The following SHC4 variants were observed in gnomAD, a reference collection of about 807,000 sequenced individuals.
SHC4 encodes SHC-transforming protein 4.
SHC4 carries 41 observed loss-of-function variants against 69.4 expected under a neutral mutation model. The ratio of observed to expected loss-of-function variants is 0.59; its 90% CI spans 0.46 to 0.77. The LOEUF is 0.77. Among genes scored for constraint, SHC4 ranks in the 30% least tolerant of loss-of-function variants. The probability of loss-of-function intolerance (pLI) is 0.00; values close to 1 mark genes in which losing one functional copy is unlikely to be tolerated. For missense variants in SHC4, 777 were observed against 783.8 expected (o/e 0.99, Z 0.10); for synonymous variants, 318 against 299.3 (o/e 1.06, Z -0.64).
chr15:48,865,199 G>T (rs746670145), intron 6 of SHC4, among the ~76,000 whole-genome samples: 1 of 152,178 alleles, frequency 6.6e-6, no homozygotes, highest in Admixed American at 6.5e-5. Context: ...AATTATTTGT[G>T]TATTCAAAAG....
intron 1 of SHC4, among the ~76,000 whole-genome samples, chr15:48,941,308 A>C (rs924851514): frequency 6.6e-6 from 1 of 152,182 alleles, no homozygotes; most frequent in African/African-American, 2.4e-5. Flanking sequence ...TGTTCATAGG[A>C]GTTTGGCAAC....
At position 48,869,161 on chromosome 15, in the gene SHC4, T is replaced by C. The variant is rs574503569; in HGVS notation, c.895-1292A>G. On this transcript the variant is annotated intron_variant, in intron 5 of 11. Transcript: ENST00000332408. Reference sequence around the variant, plus strand: ...AGCACAAATAGCAGGGGAAAATATGTTTAAATGTATTTAATTTTTGACATA... The same window carrying C: ...AGCACAAATAGCAGGGGAAAATATGCTTAAATGTATTTAATTTTTGACATA... 5.3e-5 allele frequency among the ~76,000 whole-genome samples: 8 copies of C among 152,362 alleles called. No homozygotes were observed. The South Asian group carries it at 8.3e-4, about 16-fold the overall frequency.
chr15:48,924,865 T>G lies in SHC4; in HGVS notation c.656+14A>C. ...CCATACTCCTCAAAGCCCCTCCCAT[T>G]TTTGGCTTCTTACCTTGTAACTTGG... On this transcript the variant is annotated intron_variant, in intron 2 of 11. Coordinates refer to ENST00000332408, the MANE Select transcript of SHC4 (RefSeq NM_203349.4). The G allele has an allele frequency of 6.2e-7, 1 of 1,614,042 alleles. No individual in the cohort carries two copies. The highest frequency in any genetic ancestry group is 8.5e-7 in the Non-Finnish European group (1 of 1,179,892).
intron 4 of SHC4, among the ~76,000 whole-genome samples, chr15:48,880,985 A>AGTGTGTGTGTGTGT (rs10523567): frequency 4.8e-5 from 7 of 145,974 alleles, no homozygotes; most frequent in South Asian, 2.2e-4. Context: ...TGTGTGTGAG[A>AGTGTGTGTGTGTGT]GTGTGTGTGT....
intron 2 of SHC4, among the ~76,000 whole-genome samples, chr15:48,905,096 A>G (rs1228611928): frequency 6.6e-6 from 1 of 152,112 alleles, no homozygotes; most frequent in Middle Eastern, 3.2e-3. Context: ...TAGATTCTCT[A>G]GGTCTTTTCT....
intron 6 of SHC4, among the ~76,000 whole-genome samples, chr15:48,864,436 CTTTTTT>C (rs35549079): frequency 5.5e-5 from 3 of 55,008 alleles, no homozygotes; most frequent in African/African-American, 2.1e-4. Context: ...ATACCACTTT[CTTTTTT>C]TTTTTTTTTT....
intron 1 of SHC4, chr15:48,946,463 C>G: frequency 1.8e-6 from 1 of 554,516 alleles, no homozygotes; most frequent in Non-Finnish European, 2.3e-6. Flanking sequence ...CTTCCTCTTC[C>G]TTCTCCCTCC....
At chr15:48,842,455 G>A (rs760656744) in intron 10 of SHC4, among the ~76,000 whole-genome samples, 1 of 152,026 alleles carries the variant, frequency 6.6e-6, no homozygotes, top group Non-Finnish European at 1.5e-5. Flanking sequence ...TATTTGAAAG[G>A]ATTATTCAAA....
chr15:48,832,973 T>A (rs988894925), intron 11 of SHC4, among the ~76,000 whole-genome samples: 1 of 152,232 alleles, frequency 6.6e-6, no homozygotes, highest in Non-Finnish European at 1.5e-5. Flanking sequence ...TCATAGAGCA[T>A]CTTTATTATA....
In SHC4 at chr15:48,962,651, C is replaced by T. The variant is rs769473851; in HGVS notation, c.365G>A (p.Ser122Asn). Residue 122 changes from serine to asparagine, a missense_variant, in exon 1 of 12, where the codon AGC becomes AAC. Transcript: ENST00000332408. ...GGGGCCGCTGGAACCTGGGTCCCGG[C>T]TTTCCTGGAGCTTCAGCCGAGGCAC... The part of the protein sequence containing the change: ...KEVPRLKLQE[S>N]RDPGSSGPSS... The T allele has an allele frequency of 1.9e-6, 3 of 1,614,098 alleles. No individual in the cohort carries two copies. Among genetic ancestry groups the T allele is most frequent in the East Asian group, 4.5e-5 (2 of 44,888 alleles).
chr15:48,906,301 G>A (rs983005620), intron 2 of SHC4, among the ~76,000 whole-genome samples: 2 of 152,132 alleles, frequency 1.3e-5, no homozygotes, highest in African/African-American at 4.8e-5. Context: ...GATTTTAGTA[G>A]AGCATATTTA....
chr15:48,915,060 G>A (rs1220497955), intron 2 of SHC4, among the ~76,000 whole-genome samples: 1 of 152,082 alleles, frequency 6.6e-6, no homozygotes, highest in African/African-American at 2.4e-5. Context: ...GTTTCAATAG[G>A]GTTCTTTATT....
At position 48,851,219 on chromosome 15, in the gene SHC4, A is replaced by G. The variant is rs977001301; in HGVS notation, c.1272T>C (p.Tyr424=). Residue 424 remains tyrosine, a synonymous_variant, in exon 9 of 12, where the codon TAT becomes TAC. Transcript: ENST00000332408. ...LPGNSKCSSV[Y]ENCLEQSRAI... is the part of the protein sequence containing the mutation. ...CCCTGCTTTGTTCTAAACAGTTCTC[A>G]TATACACTGCTGCACTTGGAGTTTC... 2 of 1,614,096 alleles carry G rather than the reference A, an allele frequency of 1.2e-6. No homozygotes were observed. The highest frequency in any genetic ancestry group is 1.7e-6 in the Non-Finnish European group (2 of 1,179,958).
chr15:48,957,373 A>G (rs1486959711), intron 1 of SHC4, among the ~76,000 whole-genome samples: 1 of 152,188 alleles, frequency 6.6e-6, no homozygotes, highest in African/African-American at 2.4e-5. Flanking sequence ...ACTTCAATGC[A>G]CGTCTCCAAA....
At chr15:48,957,939 A>G (rs1901481459) in intron 1 of SHC4, among the ~76,000 whole-genome samples, 1 of 152,240 alleles carries the variant, frequency 6.6e-6, no homozygotes, top group Admixed American at 6.5e-5. Flanking sequence ...AGGAGCACCA[A>G]GAATTGCAGG....
intron 11 of SHC4, among the ~76,000 whole-genome samples, chr15:48,829,498 T>C (rs1898754908): frequency 6.6e-6 from 1 of 152,206 alleles, no homozygotes; most frequent in East Asian, 1.9e-4. Context: ...TTGTCTCTTT[T>C]GATATTTTGA....
At chr15:48,950,820 G>A (rs368606639) in intron 1 of SHC4, among the ~76,000 whole-genome samples, 3 of 152,154 alleles carry the variant, frequency 2.0e-5, no homozygotes, top group African/African-American at 4.8e-5. Context: ...CTTGGGTCGC[G>A]ATGGTTGGCG....
intron 2 of SHC4, among the ~76,000 whole-genome samples, chr15:48,923,544 CAAA>C (rs3075016): frequency 2.3e-3 from 217 of 93,008 alleles, no homozygotes; most frequent in African/African-American, 8.1e-3. Context: ...GACTCTGTCT[CAAA>C]AAAAAAAAAA....
chr15:48,962,976 G>A lies in SHC4; in HGVS notation c.40C>T (p.Leu14=). 6.2e-7 allele frequency: 1 copy of A among 1,612,382 alleles called. No individual in the cohort carries two copies. The highest frequency in any genetic ancestry group is 1.1e-5 in the South Asian group (1 of 91,014). ...RGQDSLAGLV[L]YVGLFGHPGM... is the part of the protein sequence containing the mutation. The stretch of plus-strand genomic sequence containing the variant: ...GGGTGCCCGAAGAGTCCTACATACA[G>A]CACGAGTCCTGCCAGGCTGTCCTGG... Residue 14 remains leucine, a synonymous_variant, in exon 1 of 12, where the codon CTG becomes TTG. Transcript: ENST00000332408.
Sources: gnomAD v4.1 joint callset for allele counts (sites outside exome capture counted in the v4.1 genomes callset) on GRCh38, gnomAD v4.1.1 for gene constraint, MANE v1.5 for transcripts, NCBI Gene and HGNC (gene_info 2026-07-23, HGNC 2026-07-21) for gene names.